MARCO: variants seen among roughly 807,000 people sequenced by gnomAD.
MARCO encodes the protein macrophage receptor MARCO.
MARCO carries 72 observed loss-of-function variants against 70.0 expected under a neutral mutation model. That is an observed-to-expected ratio of 1.03 (90% CI 0.85 to 1.25). The LOEUF (loss-of-function observed/expected upper bound fraction) is 1.25, where lower values mean the gene tolerates loss of function less well. Among genes scored for constraint, MARCO ranks in the 50% most tolerant of loss-of-function variants. The pLI, the probability that MARCO is intolerant of heterozygous loss-of-function variation, is 0.00. For synonymous variants in MARCO, 273 were observed against 243.1 expected, an observed-to-expected ratio of 1.12 and a Z score of -1.14; for missense variants, 696 against 659.3, an observed-to-expected ratio of 1.06 and a Z score of -0.61.
intron 1 of MARCO, among the ~76,000 whole-genome samples, chr2:118,957,233 C>T (rs1486590898): frequency 4.0e-5 from 6 of 151,658 alleles, no homozygotes; most frequent in African/African-American, 7.3e-5. Flanking sequence ...ATTGATAGAC[C>T]GTTAACAAGA....
intron 6 of MARCO, 93 bp downstream of exon 6, chr2:118,974,658 G>A: frequency 8.3e-7 from 1 of 1,211,010 alleles, no homozygotes; most frequent in Non-Finnish European, 1.2e-6. Context: ...TCCAGAGTCT[G>A]GACCTCTGAG....
chr2:118,981,840 C>T (rs2104596829), intron 10 of MARCO, among the ~76,000 whole-genome samples, 184 bp downstream of exon 10: 1 of 152,290 alleles, frequency 6.6e-6, no homozygotes. Context: ...GGGCAGGCCT[C>T]ACTGATGTTT....
At chr2:118,971,556 C>T in intron 4 of MARCO, 22 bp downstream of exon 4, 1 of 1,613,334 alleles carries the variant, frequency 6.2e-7, no homozygotes, top group Non-Finnish European at 8.5e-7. Flanking sequence ...TCCACTCACA[C>T]CCACCCTGCT....
intron 15 of MARCO, 33 bp downstream of exon 15, chr2:118,992,509 C>T (rs769020518): frequency 3.9e-6 from 6 of 1,546,682 alleles, no homozygotes; most frequent in Middle Eastern, 1.7e-4. Context: ...TTAATGTGTG[C>T]TTTAAAGTCA....
intron 1 of MARCO, among the ~76,000 whole-genome samples, chr2:118,968,038 T>C (rs1221906382): frequency 1.3e-5 from 2 of 152,160 alleles, no homozygotes; most frequent in East Asian, 3.9e-4. Context: ...CCCAGCTCTC[T>C]CCTCTGTAAA....
intron 13 of MARCO, 96 bp downstream of exon 13, chr2:118,990,729 T>C: frequency 8.2e-7 from 1 of 1,213,558 alleles, no homozygotes; most frequent in Non-Finnish European, 1.2e-6. Context: ...TGCACAGCTG[T>C]GACCTTCTCC....
rs61732822 is a variant in MARCO at position 118,994,490 on chromosome 2, G to C, written c.1533G>C (p.Glu511Asp). 21,193 of 1,610,678 alleles carry C rather than the reference G, an allele frequency of 0.013. 166 individuals are homozygous for C. The highest frequency in any genetic ancestry group is 0.017 in the South Asian group (1,545 of 90,554). ...GGGGCCATCATGACTGCAGCCACGA[G>C]GAGGACGCAGGCGTGGAGTGCAGCG... is the stretch of plus-strand genomic sequence containing the variant. ...NSWGHHDCSHEEDAGVECSV is the reference protein window; with the variant it reads ...NSWGHHDCSHDEDAGVECSV Residue 511 changes from glutamate to aspartate, a missense_variant, in exon 17 of 17, where the codon GAG becomes GAC. Coordinates refer to ENST00000327097, the MANE Select transcript of MARCO (RefSeq NM_006770.4).
intron 16 of MARCO, 88 bp from the exon 17 acceptor site, chr2:118,994,299 A>G: frequency 6.8e-7 from 1 of 1,476,482 alleles, no homozygotes; most frequent in Non-Finnish European, 9.4e-7. Flanking sequence ...TCCACCTCAG[A>G]TGGAAGCTCC....
At chr2:118,974,292 C>G in intron 4 of MARCO, 41 bp from the exon 5 acceptor site, 1 of 1,213,452 alleles carries the variant, frequency 8.2e-7, no homozygotes, top group Non-Finnish European at 1.2e-6. Context: ...TTGCCCCATC[C>G]TGTTGACTGA....
rs145929238 is a variant in MARCO, at chr2:118,948,978, G to A, written c.97+6581G>A. Among the ~76,000 whole-genome samples the A allele has an allele frequency of 3.9e-5, 6 of 152,278 alleles. No homozygotes were observed. The East Asian group carries it at 1.2e-3, about 29-fold the overall frequency. ...GGTGTATGAATAAGGGTGGACTGAT[G>A]GGTCAGCTCTTGGAAGTGACTGACT... is the stretch of plus-strand genomic sequence containing the variant. On this transcript the variant is annotated intron_variant, in intron 1 of 16. Transcript: ENST00000327097.
chr2:118,994,341 C>G (rs1454218397), intron 16 of MARCO, 46 bp from the exon 17 acceptor site: 2 of 1,612,504 alleles, frequency 1.2e-6, no homozygotes, highest in Admixed American at 1.7e-5. Context: ...TGCTTTGACT[C>G]TAATCCTACC....
At position 118,990,609 on chromosome 2, in the gene MARCO, A is replaced by C; in HGVS notation, c.1084A>C (p.Arg362=). The change falls in exon 13 of 17, where the codon AGA becomes CGA. Residue 362 remains arginine (R), a synonymous_variant. Coordinates refer to ENST00000327097, the MANE Select transcript of MARCO (RefSeq NM_006770.4). ...CTTAGGACTTCAAGGACAGCAAGGA[A>C]GAAAAGGAGAATCAGGAGTTCCAGG... The part of the protein sequence containing the change: ...GDTGLQGQQG[R]KGESGVPGPA... 2.1e-6 allele frequency: 3 copies of C among 1,448,452 alleles called. No individual in the cohort carries two copies. The highest frequency in any genetic ancestry group is 2.8e-6 in the Non-Finnish European group (3 of 1,075,220). The allele number at this position is 1,448,452 out of a possible 1,614,324, so 89.7% of individuals were successfully genotyped here.
At chr2:118,964,500 T>C (rs935663848) in intron 1 of MARCO, among the ~76,000 whole-genome samples, 1 of 152,206 alleles carries the variant, frequency 6.6e-6, no homozygotes, top group Non-Finnish European at 1.5e-5. Context: ...ATATAATTCC[T>C]GGTTGACAAT....
intron 12 of MARCO, among the ~76,000 whole-genome samples, chr2:118,984,584 G>A (rs1384531156): frequency 2.0e-5 from 3 of 152,190 alleles, no homozygotes; most frequent in Admixed American, 2.0e-4. Flanking sequence ...TGTTTTCCTT[G>A]ATTTAGTAGC....
In MARCO at chr2:118,970,305, C is replaced by T; in HGVS notation, c.391C>T (p.Leu131=). The T allele has an allele frequency of 6.2e-7, 1 of 1,613,862 alleles. No homozygotes were observed. Among genetic ancestry groups the T allele is most frequent in the Non-Finnish European group, 8.5e-7 (1 of 1,179,946 alleles). The part of the protein sequence containing the change: ...TWVRVSHEHL[L]QRVDNFTQNP... ...GGTCCGCGTCAGCCATGAGCACTTG[C>T]TGCAGCGGGTAGACAACTTCACTCA... The change falls in exon 3 of 17, where the codon CTG becomes TTG. Residue 131 remains leucine, a synonymous_variant. Coordinates refer to ENST00000327097, the MANE Select transcript of MARCO (RefSeq NM_006770.4).
intron 12 of MARCO, among the ~76,000 whole-genome samples, chr2:118,986,608 A>AGAAAGAAG (rs1553416621): frequency 1.4e-4 from 3 of 22,208 alleles, no homozygotes; most frequent in South Asian, 2.6e-3. Context: ...AAAGAAAGAA[A>AGAAAGAAG]GAAAGAAAGA....
At position 118,977,645 on chromosome 2, in the gene MARCO, C is replaced by A. The variant is rs1380458224; in HGVS notation, c.658+130C>A. The A allele has an allele frequency of 2.2e-5, 18 of 805,888 alleles. No individual in the cohort carries two copies. The South Asian group carries it at 2.7e-4, about 12-fold the overall frequency. The allele number at this position is 805,888 out of a possible 1,614,324, so 49.9% of individuals were successfully genotyped here. ...TGACAGTTACTGCCCACCCTACAGT[C>A]CTCTTCTCTTGAGTCCTGTCACATT... On this transcript the variant is annotated intron_variant, in intron 7 of 16. Coordinates refer to ENST00000327097, the MANE Select transcript of MARCO (RefSeq NM_006770.4).
At chr2:118,977,153 C>G (rs1370888486) in intron 6 of MARCO, among the ~76,000 whole-genome samples, 1 of 152,128 alleles carries the variant, frequency 6.6e-6, no homozygotes, top group African/African-American at 2.4e-5. Context: ...AAACACCTCC[C>G]CACTAGGACC....
chr2:118,958,777 C>G (rs1679885119), intron 1 of MARCO, among the ~76,000 whole-genome samples: 1 of 152,102 alleles, frequency 6.6e-6, no homozygotes, highest in Non-Finnish European at 1.5e-5. Context: ...CCACAGTCAC[C>G]AAAACAGTGT....
Sources: allele counts gnomAD v4.1 joint callset (sites outside exome capture counted in the v4.1 genomes callset), GRCh38; gene constraint gnomAD v4.1.1; transcripts MANE v1.5; gene names NCBI Gene and HGNC (gene_info 2026-07-23, HGNC 2026-07-21).